BMAL1: variants seen among roughly 807,000 people sequenced by gnomAD.
BMAL1 encodes the protein basic helix-loop-helix ARNT like 1, also known as basic helix-loop-helix ARNT-like protein 1.
chr11:13,320,337 G>A, the BMAL1 span, among the ~76,000 whole-genome samples: 1 of 152,142 alleles, frequency 6.6e-6, no homozygotes, highest in African/African-American at 2.4e-5. Context: ...ACTTTTATGA[G>A]TCTGAGTAGA....
chr11:13,368,632 G>A, the BMAL1 span, among the ~76,000 whole-genome samples: 1 of 152,168 alleles, frequency 6.6e-6, no homozygotes, highest in Non-Finnish European at 1.5e-5. Context: ...TCGTGTGATG[G>A]CCATGGGTGT....
the BMAL1 span, among the ~76,000 whole-genome samples, chr11:13,370,465 C>T: frequency 1.3e-5 from 2 of 152,222 alleles, no homozygotes; most frequent in Admixed American, 1.3e-4. Context: ...GAAGTAATCA[C>T]CTGAGCCTCT....
chr11:13,294,626 A>C, the BMAL1 span, among the ~76,000 whole-genome samples: 2 of 152,256 alleles, frequency 1.3e-5, no homozygotes, highest in African/African-American at 4.8e-5. Context: ...AAACAAGCCA[A>C]GGGCTTATAA....
the BMAL1 span, among the ~76,000 whole-genome samples, chr11:13,385,090 C>CT: frequency 1.3e-5 from 2 of 152,120 alleles, no homozygotes; most frequent in African/African-American, 4.8e-5. Context: ...GAATGCTCTT[C>CT]TTTGAGACTC....
chr11:13,338,528 T>C, the BMAL1 span, among the ~76,000 whole-genome samples: 3 of 152,236 alleles, frequency 2.0e-5, no homozygotes, highest in East Asian at 5.8e-4. Flanking sequence ...TCCTTGTTAC[T>C]GGTTTTTGAT....
chr11:13,333,559 T>G, the BMAL1 span, among the ~76,000 whole-genome samples: 1 of 152,196 alleles, frequency 6.6e-6, no homozygotes, highest in Non-Finnish European at 1.5e-5. Flanking sequence ...TATTTACTCA[T>G]TTTCAAAGTG....
chr11:13,365,326 T>A, the BMAL1 span: 15 of 377,948 alleles, frequency 4.0e-5, no homozygotes, highest in Non-Finnish European at 4.9e-5. Flanking sequence ...CACACAATCT[T>A]ACAGTTCTTC....
the BMAL1 span, among the ~76,000 whole-genome samples, chr11:13,279,130 G>T: frequency 1.3e-5 from 2 of 152,198 alleles, no homozygotes; most frequent in Non-Finnish European, 2.9e-5. Context: ...GTCACCTAGC[G>T]TTGTTTTGGC....
chr11:13,287,727 C>G, the BMAL1 span, among the ~76,000 whole-genome samples: 4 of 152,192 alleles, frequency 2.6e-5, no homozygotes, highest in Admixed American at 6.5e-5. Context: ...TGATGGTTGT[C>G]CCTGCCCTGC....
At chr11:13,352,578 T>C in the BMAL1 span, among the ~76,000 whole-genome samples, 13 of 152,386 alleles carry the variant, frequency 8.5e-5, no homozygotes, top group African/African-American at 3.1e-4. Context: ...TGTTACAGTA[T>C]GTTCCAGAAT....
the BMAL1 span, chr11:13,378,426 G>A: frequency 6.2e-6 from 10 of 1,612,414 alleles, no homozygotes; most frequent in Non-Finnish European, 8.5e-6. Flanking sequence ...GATTGCTGAG[G>A]AAATCATGGA....
chr11:13,320,418 A>G, the BMAL1 span, among the ~76,000 whole-genome samples: 5 of 152,204 alleles, frequency 3.3e-5, no homozygotes, highest in Non-Finnish European at 5.9e-5. Flanking sequence ...GCAGTCTGGC[A>G]TAGTGGTAAG....
chr11:13,310,355 T>A, the BMAL1 span, among the ~76,000 whole-genome samples: 2 of 151,964 alleles, frequency 1.3e-5, no homozygotes, highest in South Asian at 2.1e-4. Flanking sequence ...CAAGCTAGAT[T>A]GAAAAAAGTC....
the BMAL1 span, among the ~76,000 whole-genome samples, chr11:13,323,943 A>G: frequency 1.3e-5 from 2 of 152,228 alleles, no homozygotes; most frequent in Admixed American, 6.5e-5. Flanking sequence ...ATTAACACAT[A>G]ATAATTGTAC....
chr11:13,379,644 G>C, the BMAL1 span: 1 of 152,212 alleles, frequency 6.6e-6, no homozygotes, highest in Non-Finnish European at 1.5e-5. Flanking sequence ...GAAAAAGGGA[G>C]GGTGCATGGG....
chr11:13,286,135 G>C, the BMAL1 span, among the ~76,000 whole-genome samples: 1 of 152,216 alleles, frequency 6.6e-6, no homozygotes, highest in Non-Finnish European at 1.5e-5. Context: ...CTATTTAGTG[G>C]TGACTGTAGC....
At chr11:13,382,155 G>C in the BMAL1 span, among the ~76,000 whole-genome samples, 1 of 152,190 alleles carries the variant, frequency 6.6e-6, no homozygotes, top group African/African-American at 2.4e-5. Context: ...GAGAGGGTAA[G>C]AGTAGAAATC....
chr11:13,368,252 T>G, the BMAL1 span, among the ~76,000 whole-genome samples: 4 of 152,246 alleles, frequency 2.6e-5, no homozygotes, highest in South Asian at 8.3e-4. Context: ...GAACGGATGA[T>G]TAATTCTCAT....
At chr11:13,369,771 A>T in the BMAL1 span, 1 of 1,608,124 alleles carries the variant, frequency 6.2e-7, no homozygotes, top group Admixed American at 1.7e-5. Flanking sequence ...AAAAAAGGTA[A>T]CAATTTAACA....
Sources: allele counts gnomAD v4.1 joint callset (sites outside exome capture counted in the v4.1 genomes callset), GRCh38; gene constraint gnomAD v4.1.1; transcripts MANE v1.5; gene names NCBI Gene and HGNC (gene_info 2026-07-23, HGNC 2026-07-21).